The following ENOX2 variants were observed in gnomAD, a reference collection of about 807,000 sequenced individuals.
ENOX2 encodes APK1 antigen.
In ENOX2, 36 loss-of-function variants were observed where a neutral mutation model predicts 45.0. That is an observed-to-expected ratio of 0.80 (90% CI 0.61 to 1.06). ENOX2 has a LOEUF of 1.06. ENOX2 is among the 50% of genes least tolerant of loss of function. The probability of loss-of-function intolerance (pLI) is 0.00; values close to 1 mark genes in which losing one functional copy is unlikely to be tolerated. For synonymous variants in ENOX2, 174 were observed against 152.3 expected (o/e 1.14, Z -1.05); for missense variants, 423 against 462.5 (o/e 0.91, Z 0.78).
chrX:130,743,575 A>C (rs1218639491), intron 3 of ENOX2, among the ~76,000 whole-genome samples: 1 of 109,584 alleles, frequency 9.1e-6, no homozygotes, highest in Non-Finnish European at 1.9e-5. Flanking sequence ...GGGTTCAAGT[A>C]ATTCTCATGC....
intron 2 of ENOX2, among the ~76,000 whole-genome samples, chrX:130,805,378 T>C (rs5977376): frequency 0.093 from 10,347 of 111,852 alleles, 800 homozygotes; most frequent in African/African-American, 0.27. Context: ...TCCAGGATTC[T>C]TAAATTAGAG....
chrX:130,881,369 A>G (rs890576646), intron 2 of ENOX2, among the ~76,000 whole-genome samples: 3 of 112,571 alleles, frequency 2.7e-5, no homozygotes, highest in African/African-American at 6.4e-5. Context: ...ATATCCATAG[A>G]GAATACAGAT....
intron 6 of ENOX2, among the ~76,000 whole-genome samples, chrX:130,678,302 C>T (rs1480733835): frequency 9.0e-6 from 1 of 111,451 alleles, no homozygotes; most frequent in African/African-American, 3.3e-5. Context: ...CCAGTCACCA[C>T]TCCTGCTCAT....
intron 3 of ENOX2, among the ~76,000 whole-genome samples, chrX:130,724,494 G>T (rs898170602): frequency 8.9e-5 from 10 of 112,853 alleles, no homozygotes; most frequent in Non-Finnish European, 1.9e-4. Context: ...TACCCATGGA[G>T]CCTGTGCTTT....
intron 2 of ENOX2, among the ~76,000 whole-genome samples, chrX:130,874,527 T>C (rs995878377): frequency 1.8e-5 from 2 of 111,802 alleles, no homozygotes; most frequent in Non-Finnish European, 3.8e-5. Flanking sequence ...GGGAATGAGA[T>C]ACAGAAGAAG....
At chrX:130,651,859 G>A (rs1251304046) in intron 10 of ENOX2, among the ~76,000 whole-genome samples, 5 of 111,430 alleles carry the variant, frequency 4.5e-5, no homozygotes, top group African/African-American at 9.8e-5. Context: ...TAAAGTAAAC[G>A]CTACTTGAAT....
At chrX:130,671,393 C>G (rs2036987491) in intron 6 of ENOX2, among the ~76,000 whole-genome samples, 1 of 111,472 alleles carries the variant, frequency 9.0e-6, no homozygotes, top group Non-Finnish European at 1.9e-5. Context: ...AAGAAAGTTT[C>G]CTAATAAGAG....
chrX:130,797,907 C>T (rs1000978317), intron 2 of ENOX2, among the ~76,000 whole-genome samples: 9 of 111,036 alleles, frequency 8.1e-5, no homozygotes, highest in African/African-American at 2.6e-4. Flanking sequence ...CTTGCCCCAA[C>T]CCAGGGCCCA....
intron 2 of ENOX2, among the ~76,000 whole-genome samples, chrX:130,819,119 A>C (rs2077545018): frequency 8.9e-6 from 1 of 112,547 alleles, no homozygotes; most frequent in African/African-American, 3.2e-5. Context: ...CAAACATATG[A>C]AAAAAAGCTC....
chrX:130,744,844 G>A (rs1463960742), intron 3 of ENOX2, among the ~76,000 whole-genome samples: 1 of 111,469 alleles, frequency 9.0e-6, no homozygotes, highest in Non-Finnish European at 1.9e-5. Flanking sequence ...AGCAGGAGGT[G>A]AGCAGCAGGT....
At chrX:130,800,126 C>T (rs763828718) in intron 2 of ENOX2, among the ~76,000 whole-genome samples, 1 of 110,324 alleles carries the variant, frequency 9.1e-6, no homozygotes, top group Non-Finnish European at 1.9e-5. Context: ...AATAAATTAC[C>T]CTAATTGACC....
intron 3 of ENOX2, among the ~76,000 whole-genome samples, chrX:130,719,413 C>T (rs186410528): frequency 3.2e-3 from 343 of 106,463 alleles, no homozygotes; most frequent in African/African-American, 0.011. Context: ...TGTTCCCACA[C>T]GTTTCCCAGC....
chrX:130,870,934 G>C (rs2078573937), intron 2 of ENOX2, among the ~76,000 whole-genome samples: 1 of 109,306 alleles, frequency 9.1e-6, no homozygotes, highest in Non-Finnish European at 1.9e-5. Context: ...GGGAGACGGA[G>C]AGAGAGAGAC....
chrX:130,717,849 T>G (rs1335780846), intron 3 of ENOX2, among the ~76,000 whole-genome samples: 1 of 111,818 alleles, frequency 8.9e-6, no homozygotes, highest in Non-Finnish European at 1.9e-5. Flanking sequence ...CCCTAATCGC[T>G]TCCATCTCCC....
rs982704516 is a variant in ENOX2 at position 130,747,110 on chromosome X, T to C, written c.-39+36437A>G. 2.7e-5 allele frequency among the ~76,000 whole-genome samples: 3 copies of C among 112,116 alleles called. No individual in the cohort carries two copies. In the Admixed American group the frequency reaches 2.8e-4, roughly 11 times the overall value. The stretch of plus-strand genomic sequence containing the variant: ...TTTTAGGTTTGGGTGGAAGTGTGAT[T>C]TGAGGCATTTCCCTTGGCCAGGGAG... On this transcript the variant is annotated intron_variant, in intron 3 of 14. Coordinates refer to ENST00000394363, the MANE Select transcript of ENOX2 (RefSeq NM_006375.4).
chrX:130,729,275 T>C (rs901526047), intron 3 of ENOX2, among the ~76,000 whole-genome samples: 3 of 112,074 alleles, frequency 2.7e-5, no homozygotes, highest in Non-Finnish European at 5.6e-5. Flanking sequence ...CATCATAAAA[T>C]TCATGAATTC....
chrX:130,774,611 G>T (rs1395725880), intron 3 of ENOX2, among the ~76,000 whole-genome samples: 1 of 111,994 alleles, frequency 8.9e-6, no homozygotes, highest in African/African-American at 3.2e-5. Context: ...TTATACTTTG[G>T]TGTTGTGGAA....
intron 3 of ENOX2, among the ~76,000 whole-genome samples, chrX:130,707,071 G>A (rs1468378850): frequency 2.7e-5 from 3 of 112,382 alleles, no homozygotes; most frequent in African/African-American, 6.5e-5. Flanking sequence ...TTAAGTTCTG[G>A]CCTGATCCAC....
At chrX:130,706,313 G>A (rs1418329914) in intron 3 of ENOX2, among the ~76,000 whole-genome samples, 1 of 112,114 alleles carries the variant, frequency 8.9e-6, no homozygotes, top group Non-Finnish European at 1.9e-5. Flanking sequence ...ACACAGAGGA[G>A]TAATTAAAGC....
Sources: gnomAD v4.1 joint callset for allele counts (sites outside exome capture counted in the v4.1 genomes callset) on GRCh38, gnomAD v4.1.1 for gene constraint, MANE v1.5 for transcripts, NCBI Gene and HGNC (gene_info 2026-07-23, HGNC 2026-07-21) for gene names.